ACER3: variants seen among roughly 807,000 people sequenced by gnomAD.
ACER3 encodes alkaline ceramidase 3, also known as alkCDase 3.
A neutral mutation model predicts 48.9 loss-of-function variants in ACER3; 16 were observed. That is an observed-to-expected ratio of 0.33 (90% CI 0.22 to 0.50). The LOEUF (loss-of-function observed/expected upper bound fraction) is 0.50. Among genes scored for constraint, ACER3 ranks in the 20% least tolerant of loss-of-function variants. The pLI is 0.98. For missense variants in ACER3, 227 were observed against 326.0 expected (o/e 0.70, Z 2.34); for synonymous variants, 109 against 107.8 (o/e 1.01, Z -0.07).
At chr11:76,964,742 A>G (rs1948093463) in intron 3 of ACER3, among the ~76,000 whole-genome samples, 1 of 151,420 alleles carries the variant, frequency 6.6e-6, no homozygotes, top group African/African-American at 2.5e-5. Flanking sequence ...ACAGACCTGC[A>G]GCTGAGGGTC....
At chr11:76,872,060 C>T (rs1460383902) in intron 1 of ACER3, among the ~76,000 whole-genome samples, 2 of 125,354 alleles carry the variant, frequency 1.6e-5, no homozygotes, top group Non-Finnish European at 3.2e-5. Context: ...CAACTTTACC[C>T]CCCAAACCCT....
At chr11:76,948,478 A>T (rs770631977) in intron 2 of ACER3, among the ~76,000 whole-genome samples, 17 of 152,116 alleles carry the variant, frequency 1.1e-4, no homozygotes, top group African/African-American at 3.9e-4. Flanking sequence ...CCCCTCTAAT[A>T]TGATAGTGCA....
At chr11:76,904,350 A>G (rs76960613) in intron 1 of ACER3, among the ~76,000 whole-genome samples, 2,847 of 151,956 alleles carry the variant, frequency 0.019, 91 homozygotes, top group African/African-American at 0.066. Context: ...CTTTAGGAAA[A>G]CCTCAACTCT....
intron 7 of ACER3, among the ~76,000 whole-genome samples, chr11:77,006,816 C>T (rs1393047667): frequency 1.3e-5 from 2 of 151,886 alleles, no homozygotes; most frequent in Non-Finnish European, 2.9e-5. Context: ...ATGTGAATTT[C>T]TTTGGGTCTA....
At chr11:77,019,801 G>C in intron 10 of ACER3, 25 bp downstream of exon 10, 5 of 1,610,356 alleles carry the variant, frequency 3.1e-6, no homozygotes, top group Non-Finnish European at 4.2e-6. Flanking sequence ...TAGGTCCTGT[G>C]TGTGTGTTGG....
rs1396641250 is a variant in ACER3, at chr11:77,020,910, G to C, written c.*583G>C. The C allele has an allele frequency of 2.0e-5, 3 of 152,814 alleles. No individual in the cohort carries two copies. The highest frequency in any genetic ancestry group is 7.2e-5 in the African/African-American group (3 of 41,432). The allele number at this position is 152,814 out of a possible 1,614,324, so 9.5% of individuals were successfully genotyped here. A position where few individuals can be genotyped will look rare whatever the true frequency, so the allele number is the denominator to read the frequency against. ...TTCACTATCTGTTCCAGGGCTAGTCGGAGGATCATAAGCAAGCTCAGACCT... is the reference window on the plus strand; with the variant it reads ...TTCACTATCTGTTCCAGGGCTAGTCCGAGGATCATAAGCAAGCTCAGACCT... On this transcript the variant is annotated 3_prime_UTR_variant, in exon 11 of 11. Transcript: ENST00000532485.
chr11:76,973,667 G>A (rs1482486786), intron 3 of ACER3, among the ~76,000 whole-genome samples: 2 of 152,166 alleles, frequency 1.3e-5, no homozygotes, highest in Non-Finnish European at 2.9e-5. Context: ...CTTAGAGCAC[G>A]GATGGCCTGT....
At chr11:76,950,411 AATT>A (rs1395605517) in intron 2 of ACER3, among the ~76,000 whole-genome samples, 8 of 22,780 alleles carry the variant, frequency 3.5e-4, no homozygotes, top group Non-Finnish European at 1.1e-3. Flanking sequence ...ATATATATAT[AATT>A]TACACATGTA....
At chr11:76,922,358 C>A (rs1946707114) in intron 1 of ACER3, among the ~76,000 whole-genome samples, 1 of 152,060 alleles carries the variant, frequency 6.6e-6, no homozygotes, top group Non-Finnish European at 1.5e-5. Flanking sequence ...GGCATGTTTC[C>A]ATTGCTTTAT....
At chr11:77,005,759 G>A (rs1457244504) in intron 7 of ACER3, among the ~76,000 whole-genome samples, 1 of 151,504 alleles carries the variant, frequency 6.6e-6, no homozygotes, top group Non-Finnish European at 1.5e-5. Context: ...TATTGGAGTA[G>A]GGCCCACCCT....
rs113889536 is a variant in ACER3, at chr11:76,934,568, G to A, written c.214+7901G>A. On this transcript the variant is annotated intron_variant, in intron 2 of 10. Coordinates refer to ENST00000532485, the MANE Select transcript of ACER3 (RefSeq NM_018367.7). ...TCAGGCGTGGCGTGCGCCTGCAATCGCAGGCACTCGGCAGGCTAAGGCAGG... is the reference window on the plus strand; with the variant it reads ...TCAGGCGTGGCGTGCGCCTGCAATCACAGGCACTCGGCAGGCTAAGGCAGG... 2.8e-4 allele frequency among the ~76,000 whole-genome samples: 42 copies of A among 152,282 alleles called. No homozygotes were observed. The South Asian group carries it at 3.9e-3, about 14-fold the overall frequency.
Position 77,022,654 on chromosome 11 carries a change from T to G in ACER3, c.*2327T>G, listed in dbSNP as rs1417832458. The G allele has an allele frequency of 6.5e-6, 1 of 153,204 alleles. No homozygotes were observed. The highest frequency in any genetic ancestry group is 1.5e-5 in the Non-Finnish European group (1 of 68,826). 9.5% of individuals were successfully genotyped at this position (153,204 alleles called of 1,614,324 possible). ...GGATTCTAGGTGGACATTACAGAGTTGAATTCCTCACTACCCCCTCCCGCT... is the reference window on the plus strand; with the variant it reads ...GGATTCTAGGTGGACATTACAGAGTGGAATTCCTCACTACCCCCTCCCGCT... On this transcript the variant is annotated 3_prime_UTR_variant, in exon 11 of 11. Coordinates refer to ENST00000532485, the MANE Select transcript of ACER3 (RefSeq NM_018367.7).
In ACER3 at chr11:76,985,649, A is replaced by C. The variant is rs777832951; in HGVS notation, c.327A>C (p.Glu109Asp). 1.3e-6 allele frequency: 2 copies of C among 1,563,234 alleles called. No homozygotes were observed. Among genetic ancestry groups the C allele is most frequent in the Non-Finnish European group, 1.7e-6 (2 of 1,162,696 alleles). ...TTTCTCTCTTTTTTTCAAGGTTTGA[A>C]TGTTTCAAGATCAAGAACTCAGTAA... is the stretch of plus-strand genomic sequence containing the variant. ...SCCIFVYCMF[E>D]CFKIKNSVNY... is the part of the protein sequence containing the mutation. The change falls in exon 5 of 11, where the codon GAA becomes GAC. Residue 109 changes from glutamate (E) to aspartate (D), a missense_variant. Physicochemically the swap from Glu to Asp is conservative, Grantham distance 45. Coordinates refer to ENST00000532485, the MANE Select transcript of ACER3 (RefSeq NM_018367.7).
chr11:76,981,731 G>A (rs1948588509), intron 4 of ACER3, among the ~76,000 whole-genome samples: 1 of 152,160 alleles, frequency 6.6e-6, no homozygotes. Flanking sequence ...ATATATTCAT[G>A]TATGTTGTTA....
chr11:76,959,717 T>A (rs1315376528), intron 3 of ACER3, among the ~76,000 whole-genome samples: 5 of 151,950 alleles, frequency 3.3e-5, no homozygotes, highest in Non-Finnish European at 7.4e-5. Context: ...CAAGCCCGGC[T>A]AATTTTTTAT....
In ACER3 at chr11:76,955,207, A is replaced by G. The variant is rs557155180; in HGVS notation, c.215-3772A>G. 7.2e-5 allele frequency among the ~76,000 whole-genome samples: 11 copies of G among 152,324 alleles called. No homozygotes were observed. In the South Asian group the frequency reaches 2.3e-3, roughly 32 times the overall value. Reference sequence around the variant, plus strand: ...AGACACTCCAAAAAACACTTCCTCAAAATACTAAACCATGTGACCCAGAAA... The same window carrying G: ...AGACACTCCAAAAAACACTTCCTCAGAATACTAAACCATGTGACCCAGAAA... On this transcript the variant is annotated intron_variant, in intron 2 of 10. Transcript: ENST00000532485.
At chr11:76,967,039 A>C in intron 3 of ACER3, among the ~76,000 whole-genome samples, 1 of 152,206 alleles carries the variant, frequency 6.6e-6, no homozygotes, top group East Asian at 1.9e-4. Context: ...TGAAAAGATC[A>C]ACAAAATTGA....
intron 5 of ACER3, among the ~76,000 whole-genome samples, chr11:76,988,444 A>T (rs768333086): frequency 6.6e-6 from 1 of 152,212 alleles, no homozygotes; most frequent in Non-Finnish European, 1.5e-5. Flanking sequence ...TTAACAAATC[A>T]TCGTGGAAGG....
intron 2 of ACER3, among the ~76,000 whole-genome samples, chr11:76,956,191 G>A (rs1947834601): frequency 6.6e-6 from 1 of 152,188 alleles, no homozygotes; most frequent in Non-Finnish European, 1.5e-5. Flanking sequence ...TTGATTTTAT[G>A]TGAATTATAT....
Sources: gnomAD v4.1 joint callset for allele counts (sites outside exome capture counted in the v4.1 genomes callset) on GRCh38, gnomAD v4.1.1 for gene constraint, MANE v1.5 for transcripts, NCBI Gene and HGNC (gene_info 2026-07-23, HGNC 2026-07-21) for gene names.